NLRP13: variants seen among roughly 807,000 people sequenced by gnomAD.
NLRP13 encodes the protein NACHT, LRR and PYD domains-containing protein 13.
NLRP13 carries 82 observed loss-of-function variants against 94.4 expected under a neutral mutation model. The observed-to-expected ratio is 0.87, with a 90% CI of 0.73 to 1.04. The LOEUF (loss-of-function observed/expected upper bound fraction) is 1.04, where lower values mean the gene tolerates loss of function less well. NLRP13 is among the 50% of genes least tolerant of loss of function. The pLI is 0.00. For missense variants in NLRP13, 1,426 were observed against 1,230.8 expected (o/e 1.16, Z -2.37); for synonymous variants, 553 against 464.7 (o/e 1.19, Z -2.45).
rs768845902 is a variant in NLRP13 at position 55,912,559 on chromosome 19, G to A, written c.1258C>T (p.His420Tyr). 53 of 1,566,262 alleles carry A rather than the reference G, an allele frequency of 3.4e-5. No homozygotes were observed. Among genetic ancestry groups the A allele is most frequent in the Non-Finnish European group, 4.6e-5 (52 of 1,139,248 alleles). The change falls in exon 5 of 11, where the codon CAT (histidine) becomes TAT (tyrosine). Residue 420 changes from histidine (H) to tyrosine (Y), a missense_variant. His to Tyr is a moderately conservative substitution (Grantham distance 83, BLOSUM62 2). Transcript: ENST00000342929. The stretch of plus-strand genomic sequence containing the variant: ...CACACCATGGGGGCACTGCAGGAAT[G>A]AAAGAGAGTTTCGTTTTTTCTTAGC... Reference protein sequence around the residue: ...QQLRKNETLFHSCSAPMVCWT... With the variant: ...QQLRKNETLFYSCSAPMVCWT...
At chr19:55,898,534 G>C (rs558785645) in intron 10 of NLRP13, among the ~76,000 whole-genome samples, 2 of 151,842 alleles carry the variant, frequency 1.3e-5, no homozygotes, top group African/African-American at 4.8e-5. Flanking sequence ...TAGTAGAGAC[G>C]GGGTTTCCCC....
At chr19:55,898,645 G>A (rs1313746245) in intron 10 of NLRP13, 125 bp downstream of exon 10, 5 of 1,068,210 alleles carry the variant, frequency 4.7e-6, no homozygotes, top group Admixed American at 2.9e-5. Context: ...ACACCTGGGT[G>A]AGATTTCTTA....
At chr19:55,921,030 G>A (rs1277696052) in intron 4 of NLRP13, among the ~76,000 whole-genome samples, 7 of 151,998 alleles carry the variant, frequency 4.6e-5, no homozygotes, top group African/African-American at 7.2e-5. Flanking sequence ...AACAAATACC[G>A]CAAGTTCTTA....
Position 55,924,966 on chromosome 19 carries a change from C to A in NLRP13, c.388+1G>T, listed in dbSNP as rs754357503. 2.5e-6 allele frequency: 4 copies of A among 1,613,788 alleles called. No homozygotes were observed. In the East Asian group the frequency reaches 8.9e-5, roughly 36 times the overall value. Reference sequence around the variant, plus strand: ...TTATCAACTTAAAGTAGTGTACACACCTGCTGCTGCTTCTAGCATCTCTAG... The same window carrying A: ...TTATCAACTTAAAGTAGTGTACACAACTGCTGCTGCTTCTAGCATCTCTAG... On this transcript the variant is annotated splice_donor_variant, in intron 2 of 10. Transcript: ENST00000342929. LOFTEE classifies it high-confidence loss of function.
At chr19:55,927,456 T>TCA (rs200251152) in intron 1 of NLRP13, among the ~76,000 whole-genome samples, 2 of 144,866 alleles carry the variant, frequency 1.4e-5, no homozygotes, top group East Asian at 2.0e-4. Flanking sequence ...TCTAATTCCT[T>TCA]AAAAAAAAAA....
intron 1 of NLRP13, among the ~76,000 whole-genome samples, chr19:55,927,511 TGAAA>T (rs1568447395): frequency 4.6e-5 from 7 of 150,724 alleles, no homozygotes; most frequent in African/African-American, 1.7e-4. Flanking sequence ...TGTGGAAGCC[TGAAA>T]TAGATTCTTC....
In NLRP13 at chr19:55,912,159, G is replaced by C; in HGVS notation, c.1658C>G (p.Pro553Arg). Residue 553 changes from proline to arginine, a missense_variant, in exon 5 of 11, where the codon CCT (proline) becomes CGT (arginine). Pro to Arg is a moderately radical substitution (Grantham distance 103, BLOSUM62 -2). Coordinates refer to ENST00000342929, the MANE Select transcript of NLRP13 (RefSeq NM_176810.2). ...TGTGGAATGGGGAGGGAATTCTCTAGGTTCCTCTAGCACAAAGGACATGGC... is the reference window on the plus strand; with the variant it reads ...TGTGGAATGGGGAGGGAATTCTCTACGTTCCTCTAGCACAAAGGACATGGC... ...FAAMSFVLEE[P>R]REFPPHSTKP... 6.2e-7 allele frequency: 1 copy of C among 1,614,128 alleles called. No individual in the cohort carries two copies. Among genetic ancestry groups the C allele is most frequent in the Non-Finnish European group, 8.5e-7 (1 of 1,180,016 alleles).
intron 4 of NLRP13, among the ~76,000 whole-genome samples, chr19:55,917,582 C>G (rs1986703771): frequency 6.6e-6 from 1 of 151,836 alleles, no homozygotes; most frequent in Non-Finnish European, 1.5e-5. Context: ...GAAAAAGATT[C>G]CACTTTTCCC....
rs78724278 is a variant in NLRP13 at position 55,902,281 on chromosome 19, G to A, written c.2619-76C>T. 1,273 of 1,266,334 alleles carry A rather than the reference G, an allele frequency of 1.0e-3. 13 individuals carry two copies. In the African/African-American group the frequency reaches 0.019, roughly 19 times the overall value. 78.4% of individuals were successfully genotyped at this position (1,266,334 alleles called of 1,614,324 possible). ...CAGGCTCCTGGAACAGAGCCTCAGG[G>A]CCCCCTCCGAGCCTACACATGCAGC... On this transcript the variant is annotated intron_variant, in intron 8 of 10. Transcript: ENST00000342929.
chr19:55,899,111 T>C (rs1986096852), intron 9 of NLRP13, among the ~76,000 whole-genome samples, 174 bp from the exon 10 acceptor site: 1 of 151,924 alleles, frequency 6.6e-6, no homozygotes, highest in South Asian at 2.1e-4. Context: ...CTCCAGGTGC[T>C]CTATTTACCT....
downstream of NLRP13, chr19:55,891,969 T>C (rs772326008): frequency 4.8e-5 from 27 of 561,552 alleles, no homozygotes; most frequent in South Asian, 9.4e-5. Context: ...CCAAGATCCA[T>C]GGTCAAGCCA....
intron 4 of NLRP13, among the ~76,000 whole-genome samples, chr19:55,915,884 T>C (rs1986662671): frequency 6.6e-6 from 1 of 152,028 alleles, no homozygotes; most frequent in South Asian, 2.1e-4. Context: ...CAATCAAGCA[T>C]AAAAGCTACT....
Position 55,910,618 on chromosome 19 carries a change from C to G in NLRP13, c.2227G>C (p.Val743Leu). ...TTCAGTGCAAGACAGAGACCCTTCA[C>G]AGAGGAAGCATGAAGTTTGCTGTTA... is the stretch of plus-strand genomic sequence containing the variant. ...LSNSKLHASS[V>L]KGLCLALKNP... is the part of the protein sequence containing the mutation. The change falls in exon 6 of 11, where the codon GTG (valine) becomes CTG (leucine). Residue 743 changes from valine (V) to leucine (L), a missense_variant. Val to Leu is a conservative substitution (Grantham distance 32). Coordinates refer to ENST00000342929, the MANE Select transcript of NLRP13 (RefSeq NM_176810.2). The G allele has an allele frequency of 6.2e-7, 1 of 1,613,704 alleles. No individual in the cohort carries two copies. Among genetic ancestry groups the G allele is most frequent in the South Asian group, 1.1e-5 (1 of 91,028 alleles).
rs1361128140 is a variant in NLRP13, at chr19:55,912,485, A to T, written c.1332T>A (p.Asp444Glu). The stretch of plus-strand genomic sequence containing the variant: ...TGGTAGTCTGAGTGATTGACTGGAG[A>T]TCGTAATACCTCACCTTCGGCTGCT... Reference protein sequence around the residue: ...CLKQPKVRYYDLQSITQTTTS... With the variant: ...CLKQPKVRYYELQSITQTTTS... The change falls in exon 5 of 11, where the codon GAT becomes GAA. Residue 444 changes from aspartate to glutamate, a missense_variant. By Grantham distance (45) the Asp-to-Glu change is conservative (BLOSUM62 2). Coordinates refer to ENST00000342929, the MANE Select transcript of NLRP13 (RefSeq NM_176810.2). The T allele has an allele frequency of 6.2e-7, 1 of 1,613,984 alleles. No individual in the cohort carries two copies. The highest frequency in any genetic ancestry group is 1.3e-5 in the African/African-American group (1 of 74,920).
Position 55,912,678 on chromosome 19 carries a change from A to T in NLRP13, c.1139T>A (p.Phe380Tyr). ...CCCTGTGAACCCTGTAATTTGTACAAAGCATGGATTCACTAATGAGGCCTT... is the reference window on the plus strand; with the variant it reads ...CCCTGTGAACCCTGTAATTTGTACATAGCATGGATTCACTAATGAGGCCTT... ...DLKASLVNPC[F>Y]VQITGFTGDD... The change falls in exon 5 of 11, where the codon TTT (phenylalanine) becomes TAT (tyrosine). Residue 380 changes from phenylalanine (F) to tyrosine (Y), a missense_variant. By Grantham distance (22) the Phe-to-Tyr change is conservative. Coordinates refer to ENST00000342929, the MANE Select transcript of NLRP13 (RefSeq NM_176810.2). 1.2e-6 allele frequency: 2 copies of T among 1,614,172 alleles called. No homozygotes were observed. Among genetic ancestry groups the T allele is most frequent in the Non-Finnish European group, 1.7e-6 (2 of 1,180,024 alleles).
intron 4 of NLRP13, among the ~76,000 whole-genome samples, chr19:55,923,346 C>T (rs1568445518): frequency 6.6e-6 from 1 of 152,046 alleles, no homozygotes; most frequent in Non-Finnish European, 1.5e-5. Context: ...GAGGGGGTTG[C>T]AAAGCTTTGG....
At chr19:55,892,204 G>A (rs1010890454), downstream of NLRP13, 57 of 1,026,612 alleles carry the variant, frequency 5.6e-5, no homozygotes, top group Middle Eastern at 7.1e-4. Flanking sequence ...AGGGGAACAC[G>A]TACAGGTTTG....
intron 1 of NLRP13, 112 bp from the exon 2 acceptor site, chr19:55,925,147 G>A (rs1429857592): frequency 5.3e-6 from 5 of 937,206 alleles, no homozygotes; most frequent in African/African-American, 1.6e-5. Flanking sequence ...GGAGTTTGAA[G>A]GTCTGATTCC....
At chr19:55,930,900 A>ATTTT (rs56336813) in intron 1 of NLRP13, among the ~76,000 whole-genome samples, 12,114 of 105,030 alleles carry the variant, frequency 0.12, 941 homozygotes, top group Admixed American at 0.18. Context: ...ATATATATAA[A>ATTTT]ATTTTAACCA....
Sources: allele counts gnomAD v4.1 joint callset (sites outside exome capture counted in the v4.1 genomes callset), GRCh38; gene constraint gnomAD v4.1.1; transcripts MANE v1.5; gene names NCBI Gene and HGNC (gene_info 2026-07-23, HGNC 2026-07-21).